Variants in ETV6 observed in about 807,000 individuals in gnomAD.
ETV6 encodes ETS variant transcription factor 6.
In ETV6, 16 loss-of-function variants were observed where a neutral mutation model predicts 51.1. The observed-to-expected ratio is 0.31, with a 90% CI of 0.21 to 0.48. ETV6 has a LOEUF of 0.48. Among genes scored for constraint, ETV6 ranks in the 20% least tolerant of loss-of-function variants. The pLI is 0.99. For missense variants in ETV6, 458 were observed against 594.8 expected (o/e 0.77, Z 2.39); for synonymous variants, 240 against 224.1 (o/e 1.07, Z -0.64).
chr12:11,719,305 G>C (rs1228874970), intron 1 of ETV6, among the ~76,000 whole-genome samples: 2 of 152,264 alleles, frequency 1.3e-5, no homozygotes, highest in African/African-American at 4.8e-5. Context: ...CTTGCCCCAA[G>C]TTATCTCACA....
intron 2 of ETV6, among the ~76,000 whole-genome samples, chr12:11,770,418 A>T (rs969879427): frequency 6.6e-6 from 1 of 151,920 alleles, no homozygotes; most frequent in Non-Finnish European, 1.5e-5. Flanking sequence ...AAAGGAAGCC[A>T]GATAACTTTC....
intron 1 of ETV6, among the ~76,000 whole-genome samples, chr12:11,714,768 C>T (rs1865243202): frequency 6.6e-6 from 1 of 151,898 alleles, no homozygotes; most frequent in Non-Finnish European, 1.5e-5. Context: ...GGAGTAGACT[C>T]CTGGTGAGGA....
At chr12:11,774,979 TA>T (rs1482292040) in intron 2 of ETV6, among the ~76,000 whole-genome samples, 12 of 152,186 alleles carry the variant, frequency 7.9e-5, no homozygotes, top group African/African-American at 2.7e-4. Flanking sequence ...TGAATGTCTC[TA>T]ATCAGGAACT....
intron 5 of ETV6, among the ~76,000 whole-genome samples, chr12:11,875,353 G>A (rs955368486): frequency 1.2e-4 from 18 of 152,184 alleles, no homozygotes; most frequent in African/African-American, 4.1e-4. Flanking sequence ...AACGCTGTAT[G>A]GAATAGTGAA....
intron 1 of ETV6, among the ~76,000 whole-genome samples, chr12:11,724,682 T>C (rs1865454902): frequency 6.6e-6 from 1 of 152,168 alleles, no homozygotes; most frequent in South Asian, 2.1e-4. Flanking sequence ...GGCTGAAAAA[T>C]AATAAGCCTT....
chr12:11,792,144 A>G (rs575860286), intron 2 of ETV6, among the ~76,000 whole-genome samples: 2 of 152,334 alleles, frequency 1.3e-5, no homozygotes, highest in East Asian at 1.9e-4. Context: ...CCAAGGCACT[A>G]TGCTGGGCCC....
At chr12:11,734,512 T>A (rs11054433) in intron 1 of ETV6, among the ~76,000 whole-genome samples, 3 of 136,852 alleles carry the variant, frequency 2.2e-5, no homozygotes, top group Non-Finnish European at 3.1e-5. Flanking sequence ...GGGGCTGAGA[T>A]GAGCAAAAAA....
intron 2 of ETV6, among the ~76,000 whole-genome samples, chr12:11,771,575 C>T (rs980809279): frequency 3.3e-5 from 5 of 152,176 alleles, no homozygotes; most frequent in East Asian, 1.9e-4. Flanking sequence ...ATCAACATGG[C>T]GCCAATGACA....
intron 2 of ETV6, among the ~76,000 whole-genome samples, chr12:11,820,976 G>A (rs550804508): frequency 1.3e-5 from 2 of 152,340 alleles, no homozygotes; most frequent in South Asian, 4.1e-4. Flanking sequence ...GACTAATGTA[G>A]TAGCAGCAGA....
chr12:11,819,803 C>A (rs1202854255), intron 2 of ETV6, among the ~76,000 whole-genome samples: 1 of 152,238 alleles, frequency 6.6e-6, no homozygotes, highest in African/African-American at 2.4e-5. Context: ...TCCATTTCTG[C>A]AACAGCCTCT....
intron 3 of ETV6, among the ~76,000 whole-genome samples, chr12:11,850,293 G>A (rs942975754): frequency 2.6e-5 from 4 of 152,180 alleles, no homozygotes; most frequent in African/African-American, 9.7e-5. Context: ...CCATGCAGAA[G>A]CCTGGGAGGT....
At chr12:11,835,036 C>A (rs1468194246) in intron 2 of ETV6, among the ~76,000 whole-genome samples, 1 of 152,090 alleles carries the variant, frequency 6.6e-6, no homozygotes, top group African/African-American at 2.4e-5. Context: ...GAAACAGGGT[C>A]AAAATGTACT....
rs529687721 is a variant in ETV6 at position 11,727,007 on chromosome 12, TATC to T, written c.34-25440_34-25438del. 8.5e-5 allele frequency among the ~76,000 whole-genome samples: 13 copies of T among 152,308 alleles called. No individual in the cohort carries two copies. In the South Asian group the frequency reaches 2.1e-3, roughly 24 times the overall value. On this transcript the variant is annotated intron_variant, in intron 1 of 7. Coordinates refer to ENST00000396373, the MANE Select transcript of ETV6 (RefSeq NM_001987.5). ...TTGTGCAAATCACACAGCTGGGAAA[TATC>T]ATTGCCAGGATTTGAATCTGAGTCT...
chr12:11,826,978 A>G (rs995108204), intron 2 of ETV6, among the ~76,000 whole-genome samples: 1 of 152,014 alleles, frequency 6.6e-6, no homozygotes, highest in Non-Finnish European at 1.5e-5. Flanking sequence ...CAGCTTTTTT[A>G]TTGATAGGTC....
chr12:11,893,818 ATATATATATATATAT>A lies in ETV6; in HGVS notation c.*2773_*2787del, dbSNP rs1947341768. 1 of 125,396 alleles carries A rather than the reference ATATATATATATATAT, an allele frequency of 8.0e-6. No homozygotes were observed. Among genetic ancestry groups the A allele is most frequent in the African/African-American group, 5.1e-5 (1 of 19,718 alleles). 7.8% of individuals were successfully genotyped at this position (125,396 alleles called of 1,614,324 possible). A position where few individuals can be genotyped will look rare whatever the true frequency, so the allele number is the denominator to read the frequency against. On this transcript the variant is annotated 3_prime_UTR_variant, in exon 8 of 8. Transcript: ENST00000396373. The stretch of plus-strand genomic sequence containing the variant: ...TTTATATATATATATATATATATAT[ATATATATATATATAT>A]ATATATATACACACACACACACATA...
intron 2 of ETV6, among the ~76,000 whole-genome samples, chr12:11,777,376 G>A (rs566726438): frequency 3.7e-4 from 56 of 152,066 alleles, no homozygotes; most frequent in Middle Eastern, 6.8e-3. Context: ...AGGCTATGGA[G>A]GAAAATAGTT....
At chr12:11,875,962 G>T (rs890838245) in intron 5 of ETV6, among the ~76,000 whole-genome samples, 6 of 152,200 alleles carry the variant, frequency 3.9e-5, no homozygotes, top group Non-Finnish European at 8.8e-5. Context: ...TACAGAAAAC[G>T]TTTGATGCTC....
chr12:11,652,936 C>A (rs1863933979), intron 1 of ETV6, among the ~76,000 whole-genome samples: 1 of 152,156 alleles, frequency 6.6e-6, no homozygotes, highest in African/African-American at 2.4e-5. Context: ...CAGACACACA[C>A]TTTTTACGGT....
intron 5 of ETV6, among the ~76,000 whole-genome samples, chr12:11,879,193 A>C (rs1947047568): frequency 6.6e-6 from 1 of 152,218 alleles, no homozygotes; most frequent in African/African-American, 2.4e-5. Context: ...AGGGACACTC[A>C]GCCTCTCTTC....
Sources: gnomAD v4.1 joint callset for allele counts (sites outside exome capture counted in the v4.1 genomes callset) on GRCh38, gnomAD v4.1.1 for gene constraint, MANE v1.5 for transcripts, NCBI Gene and HGNC (gene_info 2026-07-23, HGNC 2026-07-21) for gene names.